ZFAND1: variants seen among roughly 807,000 people sequenced by gnomAD.
ZFAND1 encodes the protein zinc finger AN1-type containing 1.
ZFAND1 carries 40 observed loss-of-function variants against 38.5 expected under a neutral mutation model. That is an observed-to-expected ratio of 1.04 (90% CI 0.81 to 1.35). The LOEUF is 1.35. Ranked by LOEUF, ZFAND1 falls within the 40% of genes most tolerant of loss-of-function variation. The pLI, the probability that ZFAND1 is intolerant of heterozygous loss-of-function variation, is 0.00. For synonymous variants in ZFAND1, 117 were observed against 103.6 expected, an observed-to-expected ratio of 1.13 and a Z score of -0.78; for missense variants, 346 against 316.3, an observed-to-expected ratio of 1.09 and a Z score of -0.71.
chr8:81,720,208 T>C (rs1808431236), intron 1 of ZFAND1, among the ~76,000 whole-genome samples: 1 of 152,196 alleles, frequency 6.6e-6, no homozygotes, highest in South Asian at 2.1e-4. Context: ...GACTGAGCAG[T>C]CTGTGTGGTT....
intron 3 of ZFAND1, 82 bp from the exon 4 acceptor site, chr8:81,715,196 A>C: frequency 6.7e-7 from 1 of 1,495,850 alleles, no homozygotes; most frequent in Non-Finnish European, 9.0e-7. Flanking sequence ...GGCAGTATTC[A>C]TTTTATTTTT....
At chr8:81,717,338 C>G in intron 2 of ZFAND1, 50 bp from the exon 3 acceptor site, 1 of 1,419,424 alleles carries the variant, frequency 7.0e-7, no homozygotes, top group South Asian at 1.6e-5. Flanking sequence ...TTAAAGATAA[C>G]TGCAGAAATT....
intron 6 of ZFAND1, chr8:81,708,957 T>C: frequency 7.1e-6 from 2 of 280,100 alleles, no homozygotes; most frequent in South Asian, 8.4e-5. Flanking sequence ...AAATGTGAAT[T>C]GTAATTTCTT....
intron 1 of ZFAND1, 51 bp from the exon 2 acceptor site, chr8:81,718,275 G>C (rs1808372486): frequency 1.4e-6 from 2 of 1,416,328 alleles, no homozygotes; most frequent in Non-Finnish European, 1.9e-6. Context: ...TTTTGATTTA[G>C]TTTTCTTAAG....
intron 6 of ZFAND1, among the ~76,000 whole-genome samples, chr8:81,711,767 G>GT (rs1355293678): frequency 2.7e-5 from 4 of 147,814 alleles, no homozygotes; most frequent in Middle Eastern, 3.4e-3. Context: ...ACATCAAACA[G>GT]TTTTTTGGAA....
At chr8:81,710,612 T>G (rs964759560) in intron 6 of ZFAND1, among the ~76,000 whole-genome samples, 4 of 152,066 alleles carry the variant, frequency 2.6e-5, no homozygotes, top group African/African-American at 7.2e-5. Context: ...AAAGTTCAGC[T>G]ATATGCTGCT....
chr8:81,709,207 C>T (rs1808066282), intron 6 of ZFAND1, among the ~76,000 whole-genome samples: 1 of 152,092 alleles, frequency 6.6e-6, no homozygotes, highest in Non-Finnish European at 1.5e-5. Flanking sequence ...AGGGCCACAC[C>T]AACTCACTTG....
intron 6 of ZFAND1, among the ~76,000 whole-genome samples, chr8:81,707,759 A>G (rs1563604632): frequency 6.6e-6 from 1 of 152,224 alleles, no homozygotes; most frequent in South Asian, 2.1e-4. Flanking sequence ...ACAGAAAATT[A>G]AGAAATAAAT....
intron 3 of ZFAND1, among the ~76,000 whole-genome samples, chr8:81,716,224 A>G (rs557283327): frequency 2.0e-5 from 3 of 152,242 alleles, no homozygotes; most frequent in African/African-American, 2.4e-5. Flanking sequence ...GAAAAGTGTT[A>G]GAACACATTG....
chr8:81,703,714 C>T (rs976581590), intron 6 of ZFAND1, among the ~76,000 whole-genome samples: 1 of 152,162 alleles, frequency 6.6e-6, no homozygotes, highest in African/African-American at 2.4e-5. Context: ...TGAGCCACCA[C>T]ACTCGGCCTC....
chr8:81,713,768 TTG>T, intron 6 of ZFAND1, 148 bp downstream of exon 6: 1 of 705,222 alleles, frequency 1.4e-6, no homozygotes, highest in South Asian at 2.1e-5. Context: ...TCAAAAAACT[TTG>T]TATTATTTAT....
Position 81,720,417 on chromosome 8 carries a change from T to C in ZFAND1, c.55+810A>G, listed in dbSNP as rs186036916. Among the ~76,000 whole-genome samples the C allele has an allele frequency of 4.6e-5, 7 of 152,340 alleles. No homozygotes were observed. The East Asian group carries it at 7.7e-4, about 17-fold the overall frequency. On this transcript the variant is annotated intron_variant, in intron 1 of 7. Transcript: ENST00000220669. ...TAAAAGACTGTAGTTTACACCCTTATGTGGTCCAAGCACCAAAATCAATAA... is the reference window on the plus strand; with the variant it reads ...TAAAAGACTGTAGTTTACACCCTTACGTGGTCCAAGCACCAAAATCAATAA...
chr8:81,718,649 T>C (rs1453040145), intron 1 of ZFAND1, among the ~76,000 whole-genome samples: 1 of 149,780 alleles, frequency 6.7e-6, no homozygotes, highest in Non-Finnish European at 1.5e-5. Context: ...TGGATATATA[T>C]ATTTTTATAT....
intron 6 of ZFAND1, chr8:81,708,641 A>G (rs1160975705): frequency 1.8e-6 from 1 of 540,850 alleles, no homozygotes. Context: ...AAATTAAAGC[A>G]ATTATGAAAT....
intron 1 of ZFAND1, 28 bp from the exon 2 acceptor site, chr8:81,718,252 G>T: frequency 6.7e-7 from 1 of 1,490,056 alleles, no homozygotes; most frequent in Non-Finnish European, 9.0e-7. Context: ...TGTATATACT[G>T]GTCAGTATCT....
intron 6 of ZFAND1, among the ~76,000 whole-genome samples, chr8:81,711,306 G>C (rs927298727): frequency 6.6e-6 from 1 of 152,098 alleles, no homozygotes; most frequent in African/African-American, 2.4e-5. Flanking sequence ...CAGCTACTCA[G>C]GAGGCTGAGG....
intron 5 of ZFAND1, chr8:81,714,416 A>G: frequency 4.0e-6 from 1 of 248,732 alleles, no homozygotes; most frequent in Non-Finnish European, 7.8e-6. Context: ...AGACTGATTT[A>G]AGTCACAGAT....
At chr8:81,705,889 GC>G (rs1807965438) in intron 6 of ZFAND1, among the ~76,000 whole-genome samples, 1 of 152,176 alleles carries the variant, frequency 6.6e-6, no homozygotes, top group Non-Finnish European at 1.5e-5. Flanking sequence ...CTGCACTCCA[GC>G]CTGGGTGACA....
chr8:81,712,453 A>T (rs921419710), intron 6 of ZFAND1, among the ~76,000 whole-genome samples: 1 of 152,128 alleles, frequency 6.6e-6, no homozygotes, highest in South Asian at 2.1e-4. Context: ...AAAAATTGGC[A>T]TTTGGAGAAG....
Sources: gnomAD v4.1 joint callset for allele counts (sites outside exome capture counted in the v4.1 genomes callset) on GRCh38, gnomAD v4.1.1 for gene constraint, MANE v1.5 for transcripts, NCBI Gene and HGNC (gene_info 2026-07-23, HGNC 2026-07-21) for gene names.